Variants in NAALADL2 observed in about 807,000 individuals in gnomAD.
NAALADL2 encodes inactive N-acetylated-alpha-linked acidic dipeptidase-like protein 2.
A neutral mutation model predicts 87.2 loss-of-function variants in NAALADL2; 76 were observed. That is an observed-to-expected ratio of 0.87 (90% CI 0.72 to 1.05). The LOEUF (loss-of-function observed/expected upper bound fraction) is 1.05. Ranked by LOEUF, NAALADL2 falls within the 50% of genes least tolerant of loss-of-function variation. NAALADL2 has a pLI of 0.00. For missense variants in NAALADL2, 1,089 were observed against 945.8 expected (o/e 1.15, Z -1.99); for synonymous variants, 354 against 331.0 (o/e 1.07, Z -0.75).
At chr3:174,459,388 T>C (rs1716055380) in intron 1 of NAALADL2, 1 of 152,140 alleles carries the variant, frequency 6.6e-6, no homozygotes, top group Non-Finnish European at 1.5e-5. Context: ...GAGACTAGTA[T>C]GTCTTACAAT....
chr3:174,572,832 C>T (rs1413575949), intron 2 of NAALADL2, among the ~76,000 whole-genome samples: 2 of 152,132 alleles, frequency 1.3e-5, no homozygotes, highest in Non-Finnish European at 2.9e-5. Context: ...GTGATAATTA[C>T]TAGAATGTTT....
chr3:175,556,583 T>C (rs1204766385), intron 9 of NAALADL2, among the ~76,000 whole-genome samples: 3 of 152,178 alleles, frequency 2.0e-5, no homozygotes, highest in Non-Finnish European at 4.4e-5. Context: ...GATTTCTGTA[T>C]GAAATTGTTA....
chr3:175,061,780 TGTA>T (rs1032046637), intron 1 of NAALADL2, among the ~76,000 whole-genome samples: 4 of 150,088 alleles, frequency 2.7e-5, no homozygotes, highest in South Asian at 2.1e-4. Flanking sequence ...AATTATATAT[TGTA>T]GTAAATCCAT....
intron 5 of NAALADL2, among the ~76,000 whole-genome samples, chr3:175,425,690 A>G (rs945866064): frequency 6.6e-6 from 1 of 152,176 alleles, no homozygotes; most frequent in Non-Finnish European, 1.5e-5. Flanking sequence ...GTCATGTAAC[A>G]AAGTGTGACT....
rs189931243 is a variant in NAALADL2 at position 174,657,862 on chromosome 3, A to G, written c.-114-79779A>G. Among the ~76,000 whole-genome samples the G allele has an allele frequency of 1.9e-4, 29 of 152,254 alleles. No homozygotes were observed. The East Asian group carries it at 5.2e-3, about 27-fold the overall frequency. ...ATTATTTTGCCTTTTTCAGAGCATC[A>G]TATAGTTGGAATCACACACTATGTA... On this transcript the variant is annotated intron_variant, in intron 2 of 3. Coordinates refer to the NAALADL2 transcript ENST00000434257.
chr3:174,462,709 G>A (rs1716287237), intron 1 of NAALADL2, among the ~76,000 whole-genome samples: 1 of 152,124 alleles, frequency 6.6e-6, no homozygotes, highest in Non-Finnish European at 1.5e-5. Context: ...GTGAAAGTAG[G>A]AAAAGTTGAA....
intron 10 of NAALADL2, among the ~76,000 whole-genome samples, chr3:175,621,788 C>A (rs1237112636): frequency 2.0e-5 from 3 of 151,966 alleles, no homozygotes; most frequent in African/African-American, 7.3e-5. Context: ...AAATACTATA[C>A]CATTTTATGT....
intron 10 of NAALADL2, among the ~76,000 whole-genome samples, chr3:175,591,044 A>G (rs1163419181): frequency 6.6e-6 from 1 of 152,126 alleles, no homozygotes; most frequent in South Asian, 2.1e-4. Context: ...GCAAGAGAAA[A>G]ATAGACTCAT....
intron 1 of NAALADL2, among the ~76,000 whole-genome samples, chr3:174,882,886 T>C (rs963616017): frequency 6.7e-6 from 1 of 149,890 alleles, no homozygotes; most frequent in African/African-American, 2.4e-5. Context: ...TATATGTGTA[T>C]ATATGTATAT....
intron 5 of NAALADL2, among the ~76,000 whole-genome samples, chr3:175,363,464 G>T (rs1581586950): frequency 2.0e-5 from 3 of 147,480 alleles, no homozygotes. Flanking sequence ...AGAGATGCTT[G>T]TCTGTGGATT....
At chr3:174,443,172 C>T (rs879688069) in intron 1 of NAALADL2, among the ~76,000 whole-genome samples, 3 of 152,066 alleles carry the variant, frequency 2.0e-5, no homozygotes, top group Non-Finnish European at 2.9e-5. Flanking sequence ...TGTTTGATAC[C>T]ATTACTCTGC....
chr3:175,276,973 CT>C (rs1753693361), intron 4 of NAALADL2, among the ~76,000 whole-genome samples: 1 of 152,002 alleles, frequency 6.6e-6, no homozygotes, highest in South Asian at 2.1e-4. Context: ...TGTCAACGTC[CT>C]TATGGCAACT....
intron 1 of NAALADL2, among the ~76,000 whole-genome samples, chr3:174,455,717 T>G (rs1053233065): frequency 5.9e-5 from 9 of 151,996 alleles, no homozygotes; most frequent in African/African-American, 2.2e-4. Flanking sequence ...TGAAGGAACA[T>G]ACATCAAAAT....
At chr3:175,179,270 A>G (rs975704433) in intron 2 of NAALADL2, among the ~76,000 whole-genome samples, 1 of 152,010 alleles carries the variant, frequency 6.6e-6, no homozygotes, top group Non-Finnish European at 1.5e-5. Context: ...CAGCTAACTC[A>G]GTGCCAGGAA....
At chr3:174,879,364 C>T (rs1404443585) in intron 1 of NAALADL2, among the ~76,000 whole-genome samples, 1 of 152,014 alleles carries the variant, frequency 6.6e-6, no homozygotes, top group Non-Finnish European at 1.5e-5. Context: ...ACAATACTGT[C>T]TCCAAGTTAA....
chr3:175,368,655 T>C (rs1424719823), intron 5 of NAALADL2, among the ~76,000 whole-genome samples: 4 of 151,926 alleles, frequency 2.6e-5, no homozygotes, highest in African/African-American at 9.7e-5. Context: ...ATAATGGAGA[T>C]GCTTTCTGAG....
At chr3:175,129,719 C>A (rs1242390564) in intron 2 of NAALADL2, among the ~76,000 whole-genome samples, 1 of 152,078 alleles carries the variant, frequency 6.6e-6, no homozygotes, top group East Asian at 1.9e-4. Context: ...TCCATTCATC[C>A]GTTGACAGAC....
intron 3 of NAALADL2, among the ~76,000 whole-genome samples, chr3:175,236,548 CAA>C (rs34787558): frequency 6.8e-4 from 67 of 98,916 alleles, no homozygotes; most frequent in South Asian, 1.6e-3. Context: ...AACTCCTTCT[CAA>C]AAAAAAAAAA....
At chr3:174,986,657 C>A (rs1423854836) in intron 1 of NAALADL2, among the ~76,000 whole-genome samples, 2 of 152,086 alleles carry the variant, frequency 1.3e-5, no homozygotes, top group African/African-American at 4.8e-5. Flanking sequence ...CTAAAGTTTT[C>A]TGAGCTAGAT....
Sources: allele counts gnomAD v4.1 joint callset (sites outside exome capture counted in the v4.1 genomes callset), GRCh38; gene constraint gnomAD v4.1.1; transcripts MANE v1.5; gene names NCBI Gene and HGNC (gene_info 2026-07-23, HGNC 2026-07-21).